Variants in SLC36A1 observed in about 807,000 individuals in gnomAD.
The protein encoded by SLC36A1 is solute carrier family 36 member 1.
Under a neutral mutation model 47.5 loss-of-function variants are expected in SLC36A1, and 30 were observed. The observed-to-expected ratio is 0.63, with a 90% CI of 0.47 to 0.86. The LOEUF (loss-of-function observed/expected upper bound fraction) is 0.86. SLC36A1 is among the 40% of genes least tolerant of loss of function. SLC36A1 has a pLI of 0.00. For synonymous variants in SLC36A1, 255 were observed against 249.7 expected (o/e 1.02, Z -0.20); for missense variants, 517 against 606.0 (o/e 0.85, Z 1.54).
intron 1 of SLC36A1, among the ~76,000 whole-genome samples, chr5:151,448,501 G>A (rs930707401): frequency 1.1e-4 from 17 of 152,150 alleles, no homozygotes; most frequent in Non-Finnish European, 2.1e-4. Flanking sequence ...TCCTTCTGTA[G>A]GTTTGGTTTC....
At chr5:151,405,362 T>G in the SLC36A1 span, among the ~76,000 whole-genome samples, 1 of 146,004 alleles carries the variant, frequency 6.8e-6, no homozygotes, top group Admixed American at 6.8e-5. Flanking sequence ...TTTTTTTTTT[T>G]TTTTTGAGAT....
At chr5:151,547,882 G>T in the SLC36A1 span, among the ~76,000 whole-genome samples, 13 of 152,126 alleles carry the variant, frequency 8.5e-5, no homozygotes, top group African/African-American at 2.9e-4. Flanking sequence ...GAAAATGATG[G>T]TTATGTGTTG....
At chr5:151,358,558 C>A in the SLC36A1 span, among the ~76,000 whole-genome samples, 1 of 152,198 alleles carries the variant, frequency 6.6e-6, no homozygotes, top group Non-Finnish European at 1.5e-5. Context: ...CACTTCTCAT[C>A]TGGTGCTTGT....
the SLC36A1 span, among the ~76,000 whole-genome samples, chr5:151,503,154 A>G: frequency 4.1e-5 from 6 of 147,904 alleles, 1 homozygote; most frequent in Non-Finnish European, 5.9e-5. Context: ...AATGCTGGAT[A>G]CATATTATAC....
the SLC36A1 span, chr5:151,546,152 TG>T: frequency 6.2e-7 from 1 of 1,614,096 alleles, no homozygotes; most frequent in African/African-American, 1.3e-5. Flanking sequence ...TTTGAAAAGA[TG>T]GGGGCACTCC....
At chr5:151,536,998 C>T in the SLC36A1 span, among the ~76,000 whole-genome samples, 1 of 152,156 alleles carries the variant, frequency 6.6e-6, no homozygotes, top group Admixed American at 6.5e-5. Flanking sequence ...GTGCCCTTTC[C>T]CCCACTCTCT....
At chr5:151,503,760 C>G in the SLC36A1 span, among the ~76,000 whole-genome samples, 1 of 152,072 alleles carries the variant, frequency 6.6e-6, no homozygotes, top group Non-Finnish European at 1.5e-5. Flanking sequence ...GCAGGAAGCC[C>G]CAGGTCTTGT....
intron 7 of SLC36A1, among the ~76,000 whole-genome samples, chr5:151,468,266 A>AAAAAT (rs55642458): frequency 9.2e-4 from 59 of 63,812 alleles, no homozygotes; most frequent in African/African-American, 4.7e-3. Context: ...AAAAAAAAAA[A>AAAAAT]ATATATATAT....
chr5:151,515,867 ATTATCTGC>A, the SLC36A1 span, among the ~76,000 whole-genome samples: 1 of 152,184 alleles, frequency 6.6e-6, no homozygotes, highest in South Asian at 2.1e-4. Flanking sequence ...GATCATTGCA[ATTATCTGC>A]TCAAAACCTT....
At chr5:151,537,923 A>G in the SLC36A1 span, 1,133 of 1,614,208 alleles carry the variant, frequency 7.0e-4, 9 homozygotes, top group African/African-American at 0.014. Flanking sequence ...ATACATCTTC[A>G]TGAACCTTGC....
At chr5:151,554,311 C>T in the SLC36A1 span, 3 of 1,538,916 alleles carry the variant, frequency 1.9e-6, no homozygotes, top group Non-Finnish European at 2.7e-6. Context: ...CAAAGAAGGC[C>T]ACTAACCAGC....
the SLC36A1 span, chr5:151,534,524 C>T: frequency 1.9e-6 from 3 of 1,614,162 alleles, no homozygotes; most frequent in Non-Finnish European, 2.5e-6. Context: ...CATTCACATC[C>T]TCCACATGGA....
chr5:151,430,988 T>A, the SLC36A1 span, among the ~76,000 whole-genome samples: 1 of 152,222 alleles, frequency 6.6e-6, no homozygotes, highest in Non-Finnish European at 1.5e-5. Context: ...GATCCTTAGC[T>A]GCAGGGACCC....
chr5:151,378,147 G>A, the SLC36A1 span: 5 of 316,308 alleles, frequency 1.6e-5, no homozygotes, highest in South Asian at 2.0e-4. Flanking sequence ...CAAGAAAAAG[G>A]TGAAAGAGCA....
the SLC36A1 span, among the ~76,000 whole-genome samples, chr5:151,535,764 C>G: frequency 4.6e-5 from 7 of 151,998 alleles, no homozygotes; most frequent in African/African-American, 1.7e-4. Flanking sequence ...GTGGACAGAG[C>G]CCTAAACCCA....
At chr5:151,404,162 G>A in the SLC36A1 span, among the ~76,000 whole-genome samples, 1 of 152,176 alleles carries the variant, frequency 6.6e-6, no homozygotes, top group African/African-American at 2.4e-5. Context: ...TTATCATTAT[G>A]TAATTCTCTT....
intron 7 of SLC36A1, among the ~76,000 whole-genome samples, chr5:151,473,219 T>A (rs936229012): frequency 1.2e-3 from 157 of 129,028 alleles, no homozygotes; most frequent in Non-Finnish European, 2.2e-3. Context: ...GATAGATAGA[T>A]AGATAGAATA....
the SLC36A1 span, chr5:151,381,046 G>T: frequency 2.4e-6 from 1 of 415,572 alleles, no homozygotes; most frequent in South Asian, 2.1e-5. Context: ...AGGTGTCAGT[G>T]GACAGAGAGA....
the SLC36A1 span, chr5:151,540,901 C>T: frequency 2.1e-5 from 14 of 670,860 alleles, 1 homozygote; most frequent in South Asian, 7.6e-5. Flanking sequence ...TAGGAACCCA[C>T]GATTCTACAC....
Sources: gnomAD v4.1 joint callset for allele counts (sites outside exome capture counted in the v4.1 genomes callset) on GRCh38, gnomAD v4.1.1 for gene constraint, MANE v1.5 for transcripts, NCBI Gene and HGNC (gene_info 2026-07-23, HGNC 2026-07-21) for gene names.